KYAT1: variants seen among roughly 807,000 people sequenced by gnomAD.
KYAT1 encodes the protein kynurenine--oxoglutarate transaminase 1.
Under a neutral mutation model 52.4 loss-of-function variants are expected in KYAT1, and 47 were observed. That is an observed-to-expected ratio of 0.90 (90% CI 0.71 to 1.14). The LOEUF is 1.14. Ranked by LOEUF, KYAT1 falls within the 50% of genes most tolerant of loss-of-function variation. The probability of loss-of-function intolerance (pLI) is 0.00; values close to 1 mark genes in which losing one functional copy is unlikely to be tolerated. For synonymous variants in KYAT1, 212 were observed against 209.6 expected (o/e 1.01, Z -0.10); for missense variants, 480 against 557.9 (o/e 0.86, Z 1.41).
rs36019409 is a variant in KYAT1, at chr9:128,868,181, A to ATT, written c.-7+13714_-7+13715dup. On this transcript the variant is annotated intron_variant, in intron 1 of 12. Transcript: ENST00000302586. ...AAACCCAAACATCTATGGCCCACTA[A>ATT]TTTTTTTTTTTTTGAGTCAGAGTCT... Among the ~76,000 whole-genome samples, 44 of 142,652 alleles carry ATT rather than the reference A, an allele frequency of 3.1e-4. No individual in the cohort carries two copies. In the East Asian group the frequency reaches 3.6e-3, roughly 12 times the overall value. 93.6% of individuals were successfully genotyped at this position (142,652 alleles called of 152,430 possible).
intron 1 of KYAT1, among the ~76,000 whole-genome samples, chr9:128,878,920 TAGAG>T (rs1321104461): frequency 6.6e-6 from 1 of 152,004 alleles, no homozygotes; most frequent in Non-Finnish European, 1.5e-5. Flanking sequence ...AACTGAGGCT[TAGAG>T]AGGGGAAATG....
rs140860455 is a variant in KYAT1 at position 128,862,974 on chromosome 9, G to A, written c.-6-17563C>T. Among the ~76,000 whole-genome samples, 1,123 of 152,102 alleles carry A rather than the reference G, an allele frequency of 7.4e-3. 8 individuals carry two copies. The highest frequency in any genetic ancestry group is 0.019 in the African/African-American group (791 of 41,508). ...CGAGTGGCTGGGATTACAGACGCGCGCTACCATGCCCGGCTAATTTTTTTG... is the reference window on the plus strand; with the variant it reads ...CGAGTGGCTGGGATTACAGACGCGCACTACCATGCCCGGCTAATTTTTTTG... On this transcript the variant is annotated intron_variant, in intron 1 of 12. Coordinates refer to ENST00000302586, the MANE Select transcript of KYAT1 (RefSeq NM_004059.5).
chr9:128,850,556 C>A (rs950064651), intron 1 of KYAT1, among the ~76,000 whole-genome samples: 5 of 152,146 alleles, frequency 3.3e-5, no homozygotes, highest in Non-Finnish European at 7.4e-5. Flanking sequence ...GCCACAGGGA[C>A]CTCTGCCTTG....
chr9:128,878,625 GA>G (rs951958329), intron 1 of KYAT1, among the ~76,000 whole-genome samples: 1 of 152,160 alleles, frequency 6.6e-6, no homozygotes, highest in Non-Finnish European at 1.5e-5. Flanking sequence ...TGTCTGAGGA[GA>G]TCTAACAATT....
chr9:128,869,052 C>A (rs1040225839), intron 1 of KYAT1, among the ~76,000 whole-genome samples: 1 of 152,024 alleles, frequency 6.6e-6, no homozygotes, highest in African/African-American at 2.4e-5. Flanking sequence ...GTTGCCCAGG[C>A]TGGTCTCAAA....
At chr9:128,875,412 G>A (rs1012537817) in intron 1 of KYAT1, among the ~76,000 whole-genome samples, 1 of 151,662 alleles carries the variant, frequency 6.6e-6, no homozygotes, top group Non-Finnish European at 1.5e-5. Flanking sequence ...TCAGGAGTTC[G>A]AGACCAGCCT....
intron 3 of KYAT1, among the ~76,000 whole-genome samples, chr9:128,839,556 C>T (rs1315077026): frequency 4.0e-5 from 6 of 151,594 alleles, no homozygotes; most frequent in East Asian, 2.0e-4. Flanking sequence ...ACCCGGGAGG[C>T]GGAGCTTGCA....
intron 1 of KYAT1, among the ~76,000 whole-genome samples, chr9:128,861,569 C>T (rs1218687398): frequency 6.6e-6 from 1 of 152,204 alleles, no homozygotes; most frequent in South Asian, 2.1e-4. Context: ...GATGCCAGAG[C>T]TCACCCTCTC....
At chr9:128,847,641 G>A in intron 1 of KYAT1, 1 of 589,816 alleles carries the variant, frequency 1.7e-6, no homozygotes, top group Non-Finnish European at 3.0e-6. Flanking sequence ...CCCACACACA[G>A]CTCTAACAAT....
chr9:128,842,860 G>T lies in KYAT1; in HGVS notation c.54-59C>A, dbSNP rs1832445543. On this transcript the variant is annotated intron_variant, in intron 2 of 12. Coordinates refer to ENST00000302586, the MANE Select transcript of KYAT1 (RefSeq NM_004059.5). Reference sequence around the variant, plus strand: ...GCCCTCCATGGTGACCTGGACTTCGGCCTGTTTAGAAAAACTGGACAACCG... The same window carrying T: ...GCCCTCCATGGTGACCTGGACTTCGTCCTGTTTAGAAAAACTGGACAACCG... 11 of 1,551,100 alleles carry T rather than the reference G, an allele frequency of 7.1e-6. No homozygotes were observed. In the South Asian group the frequency reaches 1.2e-4, roughly 17 times the overall value.
At chr9:128,856,243 T>C (rs1454764040) in intron 1 of KYAT1, among the ~76,000 whole-genome samples, 1 of 152,174 alleles carries the variant, frequency 6.6e-6, no homozygotes, top group African/African-American at 2.4e-5. Flanking sequence ...GAGGCAATGG[T>C]GAAAGCTGCT....
chr9:128,873,011 G>C (rs1837458398), intron 1 of KYAT1, among the ~76,000 whole-genome samples: 1 of 145,012 alleles, frequency 6.9e-6, no homozygotes, highest in Non-Finnish European at 1.5e-5. Flanking sequence ...GGGAGGCAAA[G>C]ATTCTAGTGA....
At chr9:128,840,831 T>C (rs192480420) in intron 3 of KYAT1, among the ~76,000 whole-genome samples, 1 of 152,350 alleles carries the variant, frequency 6.6e-6, no homozygotes, top group African/African-American at 2.4e-5. Context: ...GCTGGGATTA[T>C]AGGCACACAC....
In KYAT1 at chr9:128,842,795, C is replaced by T. The variant is rs1445447995; in HGVS notation, c.60G>A (p.Glu20=). The change falls in exon 3 of 13, where the codon GAG becomes GAA. Residue 20 remains glutamate, a synonymous_variant. Coordinates refer to ENST00000302586, the MANE Select transcript of KYAT1 (RefSeq NM_004059.5). The part of the protein sequence containing the change: ...LDGIDYNPWV[E]FVKLASEHDV... ...CATGCTCACTGGCCAGTTTCACAAA[C>T]TCCACCCTGGGTAACAAATGGAGAA... The T allele has an allele frequency of 1.2e-6, 2 of 1,613,190 alleles. No homozygotes were observed. The highest frequency in any genetic ancestry group is 2.2e-5 in the South Asian group (2 of 90,920).
chr9:128,874,722 CTTTT>C (rs201788280), intron 1 of KYAT1, among the ~76,000 whole-genome samples: 1 of 123,658 alleles, frequency 8.1e-6, no homozygotes. Flanking sequence ...ATAATCCTGC[CTTTT>C]TTTTTTTTTT....
intron 1 of KYAT1, among the ~76,000 whole-genome samples, chr9:128,878,140 CTT>C (rs761966009): frequency 1.4e-5 from 2 of 145,852 alleles, no homozygotes; most frequent in Non-Finnish European, 1.5e-5. Context: ...AAGCTATTAA[CTT>C]TTTTTTTTTT....
chr9:128,858,316 G>T (rs1834954514), intron 1 of KYAT1, among the ~76,000 whole-genome samples: 1 of 149,958 alleles, frequency 6.7e-6, no homozygotes, highest in East Asian at 2.0e-4. Context: ...AGAATCGCTT[G>T]AGCTCAGGAG....
intron 5 of KYAT1, 84 bp from the exon 6 acceptor site, chr9:128,837,897 C>T: frequency 2.6e-6 from 4 of 1,539,166 alleles, no homozygotes; most frequent in South Asian, 1.1e-5. Context: ...ACCTTCTCTC[C>T]CCTGGGATCC....
intron 2 of KYAT1, among the ~76,000 whole-genome samples, chr9:128,844,016 C>A (rs1212161477): frequency 1.3e-5 from 2 of 152,168 alleles, no homozygotes; most frequent in Admixed American, 1.3e-4. Flanking sequence ...CCATCTCAAG[C>A]AAAGTTTGAT....
Sources: allele counts gnomAD v4.1 joint callset (sites outside exome capture counted in the v4.1 genomes callset), GRCh38; gene constraint gnomAD v4.1.1; transcripts MANE v1.5; gene names NCBI Gene and HGNC (gene_info 2026-07-23, HGNC 2026-07-21).